The following ABCC9 variants were observed in gnomAD, a reference collection of about 807,000 sequenced individuals.
The protein encoded by ABCC9 is ATP binding cassette subfamily C member 9.
In ABCC9, 95 loss-of-function variants were observed where a neutral mutation model predicts 188.3. The observed-to-expected ratio is 0.50, with a 90% CI of 0.43 to 0.60. ABCC9 has a LOEUF of 0.60. ABCC9 is among the 20% of genes least tolerant of loss of function. The pLI is 0.00. For synonymous variants in ABCC9, 659 were observed against 652.7 expected, an observed-to-expected ratio of 1.01 and a Z score of -0.15; for missense variants, 1,102 against 1,876.3, an observed-to-expected ratio of 0.59 and a Z score of 7.62.
intron 30 of ABCC9, among the ~76,000 whole-genome samples, chr12:21,834,110 C>G (rs556569121): frequency 2.0e-5 from 3 of 152,166 alleles, no homozygotes; most frequent in Non-Finnish European, 4.4e-5. Flanking sequence ...TTATCAATAG[C>G]TTCATGGTTG....
chr12:21,906,054 C>G, intron 12 of ABCC9, 72 bp downstream of exon 12: 1 of 1,508,750 alleles, frequency 6.6e-7, no homozygotes, highest in Non-Finnish European at 9.2e-7. Flanking sequence ...TGATCACAAT[C>G]TAAACTGAAT....
In ABCC9 at chr12:21,848,200, C is replaced by T. The variant is rs748770166; in HGVS notation, c.2816G>A (p.Arg939Gln). The T allele has an allele frequency of 3.7e-6, 6 of 1,613,450 alleles. No homozygotes were observed. The highest frequency in any genetic ancestry group is 1.3e-5 in the African/African-American group (1 of 74,878). Reference sequence around the variant, plus strand: ...TTTGGCTTCTCTTGAATACATGGCCCGTCGGAGAGTTTTCCTCTCTAAAGT... The same window carrying T: ...TTTGGCTTCTCTTGAATACATGGCCTGTCGGAGAGTTTTCCTCTCTAAAGT... The part of the protein sequence containing the change: ...QTTLERKTLR[R>Q]AMYSREAKAQ... Residue 939 changes from arginine to glutamine, a missense_variant, in exon 25 of 40, where the codon CGG (arginine) becomes CAG (glutamine). Physicochemically the swap from Arg to Gln is conservative, Grantham distance 43. Coordinates refer to ENST00000261200, the MANE Select transcript of ABCC9 (RefSeq NM_020297.4).
intron 5 of ABCC9, among the ~76,000 whole-genome samples, chr12:21,922,521 AT>A (rs1262427815): frequency 6.6e-6 from 1 of 151,918 alleles, no homozygotes; most frequent in African/African-American, 2.4e-5. Context: ...TATGAAATAA[AT>A]TTCACATACA....
intron 5 of ABCC9, chr12:21,923,794 G>A: frequency 1.4e-6 from 1 of 698,258 alleles, no homozygotes; most frequent in Non-Finnish European, 2.6e-6. Flanking sequence ...AGAAATAAAT[G>A]CATATAGCCA....
At chr12:21,866,957 A>G (rs904401692) in intron 18 of ABCC9, among the ~76,000 whole-genome samples, 1 of 152,218 alleles carries the variant, frequency 6.6e-6, no homozygotes, top group African/African-American at 2.4e-5. Context: ...AGCAATAAAT[A>G]AAGACATTTA....
intron 12 of ABCC9, among the ~76,000 whole-genome samples, chr12:21,901,873 C>T (rs1464723998): frequency 6.6e-6 from 1 of 152,160 alleles, no homozygotes; most frequent in Non-Finnish European, 1.5e-5. Flanking sequence ...TAACACCCCA[C>T]TGTCAACATT....
In ABCC9 at chr12:21,917,211, A is replaced by G. The variant is rs537595012; in HGVS notation, c.407-108T>C. The G allele has an allele frequency of 4.2e-5, 47 of 1,111,060 alleles. 1 individual carries two copies. The South Asian group carries it at 5.5e-4, about 13-fold the overall frequency. The allele number at this position is 1,111,060 out of a possible 1,614,324, so 68.8% of individuals were successfully genotyped here. On this transcript the variant is annotated intron_variant, in intron 5 of 39. Coordinates refer to ENST00000261200, the MANE Select transcript of ABCC9 (RefSeq NM_020297.4). ...AATAACAAAGGCAATTTTATGTACT[A>G]TATTTCCACATGGTTTTACTTGGTA...
chr12:21,900,328 C>G (rs748404748), intron 12 of ABCC9, among the ~76,000 whole-genome samples: 3 of 152,054 alleles, frequency 2.0e-5, no homozygotes, highest in Non-Finnish European at 2.9e-5. Flanking sequence ...TCATCAAAGA[C>G]CAAAGGTAGA....
Position 21,910,964 on chromosome 12 carries a change from G to C in ABCC9, c.1026C>G (p.Leu342=), listed in dbSNP as rs750197446. Residue 342 remains leucine (L), a synonymous_variant, in exon 9 of 40, where the codon CTC becomes CTG. Transcript: ENST00000261200. The part of the protein sequence containing the change: ...TNNTTGISET[L]SSKEFLENAY... ...CGTTTTCAAGAAATTCCTTTGATGA[G>C]AGGGTTTCTGAAATCTGGTCCCCAA... 1.2e-6 allele frequency: 2 copies of C among 1,611,940 alleles called. No homozygotes were observed. The highest frequency in any genetic ancestry group is 1.7e-6 in the Non-Finnish European group (2 of 1,178,454).
intron 27 of ABCC9, 52 bp downstream of exon 27, chr12:21,844,715 T>G (rs1474096930): frequency 6.2e-7 from 1 of 1,606,550 alleles, no homozygotes; most frequent in Non-Finnish European, 8.5e-7. Context: ...AATTGAAAAA[T>G]GCATATTTTT....
intron 29 of ABCC9, among the ~76,000 whole-genome samples, chr12:21,839,374 A>G (rs1415509815): frequency 6.6e-6 from 1 of 152,160 alleles, no homozygotes; most frequent in Non-Finnish European, 1.5e-5. Context: ...GCACAGAAAG[A>G]AGACATTTGG....
rs1565499356 is a variant in ABCC9 at position 21,933,943 on chromosome 12, TAAAAAC to T, written c.143-26_143-21del. On this transcript the variant is annotated intron_variant, in intron 3 of 39. Transcript: ENST00000261200. ...CCCACCCTGGAAAAGAGAGAAAAGTTAAAAACAAAAAGACATAAACCGAAGGCTCAA... is the reference window on the plus strand; with the variant it reads ...CCCACCCTGGAAAAGAGAGAAAAGTTAAAAAGACATAAACCGAAGGCTCAA... 3.7e-6 allele frequency: 6 copies of T among 1,613,094 alleles called. No homozygotes were observed. Among genetic ancestry groups the T allele is most frequent in the Non-Finnish European group, 4.2e-6 (5 of 1,179,324 alleles).
intron 4 of ABCC9, among the ~76,000 whole-genome samples, chr12:21,928,716 G>A (rs575647669): frequency 1.3e-5 from 2 of 152,244 alleles, no homozygotes; most frequent in African/African-American, 4.8e-5. Context: ...GATAATAGCA[G>A]CTACAATTAA....
chr12:21,922,751 C>CTTTT (rs143763191), intron 5 of ABCC9, among the ~76,000 whole-genome samples: 3 of 119,116 alleles, frequency 2.5e-5, no homozygotes, highest in African/African-American at 6.1e-5. Context: ...TTTTTTTTTT[C>CTTTT]TTTTTTTTTT....
At chr12:21,868,928 A>G (rs1277994539) in intron 18 of ABCC9, among the ~76,000 whole-genome samples, 1 of 152,200 alleles carries the variant, frequency 6.6e-6, no homozygotes, top group East Asian at 1.9e-4. Flanking sequence ...AGTAATTACA[A>G]ATAACTCTTT....
chr12:21,860,421 A>G (rs372834666), intron 21 of ABCC9, among the ~76,000 whole-genome samples: 3 of 152,302 alleles, frequency 2.0e-5, no homozygotes, highest in East Asian at 3.9e-4. Context: ...AACACCCATA[A>G]CACAGATTTG....
intron 31 of ABCC9, among the ~76,000 whole-genome samples, chr12:21,825,921 T>C (rs1308869166): frequency 5.3e-5 from 8 of 152,142 alleles, no homozygotes; most frequent in Non-Finnish European, 4.4e-5. Flanking sequence ...GACATGGCTT[T>C]GGAAAGTTAA....
At chr12:21,925,571 G>T (rs1949012628) in intron 5 of ABCC9, 2 of 700,794 alleles carry the variant, frequency 2.9e-6, no homozygotes, top group South Asian at 1.5e-5. Flanking sequence ...TAGAGGAGAT[G>T]ACTTGTTCAC....
chr12:21,853,339 A>G (rs1485844778), intron 22 of ABCC9, among the ~76,000 whole-genome samples: 1 of 152,150 alleles, frequency 6.6e-6, no homozygotes, highest in Non-Finnish European at 1.5e-5. Flanking sequence ...AAAAGAAAGA[A>G]AAAAGAAAAT....
Sources: gnomAD v4.1 joint callset for allele counts (sites outside exome capture counted in the v4.1 genomes callset) on GRCh38, gnomAD v4.1.1 for gene constraint, MANE v1.5 for transcripts, NCBI Gene and HGNC (gene_info 2026-07-23, HGNC 2026-07-21) for gene names.